Variants in ADARB2 observed in about 807,000 individuals in gnomAD.
The protein encoded by ADARB2 is inactive double-stranded RNA-specific editase B2.
Under a neutral mutation model 62.2 loss-of-function variants are expected in ADARB2, and 25 were observed. That is an observed-to-expected ratio of 0.40 (90% confidence interval 0.29 to 0.56). The LOEUF is 0.56. Ranked by LOEUF, ADARB2 falls within the 20% of genes least tolerant of loss-of-function variation. The probability of loss-of-function intolerance (pLI) is 0.43; values close to 1 mark genes in which losing one functional copy is unlikely to be tolerated. For synonymous variants in ADARB2, 572 were observed against 500.8 expected, an observed-to-expected ratio of 1.14 and a Z score of -1.90; for missense variants, 1,071 against 1,077.4, an observed-to-expected ratio of 0.99 and a Z score of 0.08.
In ADARB2 at chr10:1,552,631, C is replaced by T. The variant is rs187997084; in HGVS notation, c.101-173471G>A. Among the ~76,000 whole-genome samples the T allele has an allele frequency of 1.7e-3, 256 of 151,514 alleles. 2 individuals carry two copies. The highest frequency in any genetic ancestry group is 5.9e-3 in the African/African-American group (245 of 41,184). The stretch of plus-strand genomic sequence containing the variant: ...TGAAGAGCCTTTTTCTGGCCTGGTC[C>T]TGCCCGGCACTCAGCGAGGGGCTGC... On this transcript the variant is annotated intron_variant, in intron 1 of 9. Transcript: ENST00000381312.
chr10:1,480,364 A>C (rs1831451188), intron 1 of ADARB2, among the ~76,000 whole-genome samples: 1 of 152,236 alleles, frequency 6.6e-6, no homozygotes, highest in African/African-American at 2.4e-5. Context: ...AATTAGTTGC[A>C]TTTCTATGTA....
At chr10:1,593,564 C>T (rs1456743211) in intron 1 of ADARB2, among the ~76,000 whole-genome samples, 1 of 152,178 alleles carries the variant, frequency 6.6e-6, no homozygotes, top group Non-Finnish European at 1.5e-5. Flanking sequence ...CAAGTATGGT[C>T]CACTGTACAC....
rs145843905 is a variant in ADARB2, at chr10:1,711,354, G to A, written c.100+25697C>T. Among the ~76,000 whole-genome samples, 253 of 152,334 alleles carry A rather than the reference G, an allele frequency of 1.7e-3. 1 individual carries two copies. Among genetic ancestry groups the A allele is most frequent in the African/African-American group, 5.8e-3 (242 of 41,566 alleles). On this transcript the variant is annotated intron_variant, in intron 1 of 9. Coordinates refer to ENST00000381312, the MANE Select transcript of ADARB2 (RefSeq NM_018702.4). Reference sequence around the variant, plus strand: ...GAACCCGCTGGACACCCGGTGCCATGCTGAGGTCACAGCTCTGAAGGACGC... The same window carrying A: ...GAACCCGCTGGACACCCGGTGCCATACTGAGGTCACAGCTCTGAAGGACGC...
intron 3 of ADARB2, among the ~76,000 whole-genome samples, chr10:1,274,891 G>T (rs1289776660): frequency 1.3e-5 from 2 of 152,222 alleles, no homozygotes; most frequent in African/African-American, 2.4e-5. Context: ...AAGGATGGCT[G>T]CAGGCTTCAC....
intron 3 of ADARB2, among the ~76,000 whole-genome samples, chr10:1,324,902 T>C (rs1831829344): frequency 6.6e-6 from 1 of 152,164 alleles, no homozygotes; most frequent in African/African-American, 2.4e-5. Context: ...AGCCAGGGGA[T>C]TGTCAATGCC....
chr10:1,418,314 C>T (rs1203407250), intron 1 of ADARB2, among the ~76,000 whole-genome samples: 1 of 152,194 alleles, frequency 6.6e-6, no homozygotes, highest in Non-Finnish European at 1.5e-5. Flanking sequence ...GGTCAGGCCT[C>T]GAGCTTTAAG....
intron 1 of ADARB2, among the ~76,000 whole-genome samples, chr10:1,633,556 C>CTATT (rs763068266): frequency 1.9e-5 from 2 of 107,896 alleles, no homozygotes; most frequent in South Asian, 6.9e-4. Context: ...TATCATCTAT[C>CTATT]TATCTATCTA....
intron 1 of ADARB2, among the ~76,000 whole-genome samples, chr10:1,441,722 C>T (rs778388448): frequency 1.5e-4 from 23 of 152,224 alleles, no homozygotes; most frequent in Admixed American, 6.5e-4. Flanking sequence ...GAAATGTTGA[C>T]GCTTCCCATG....
intron 3 of ADARB2, among the ~76,000 whole-genome samples, chr10:1,352,128 C>A (rs183698041): frequency 0.035 from 5,241 of 151,864 alleles, 118 homozygotes; most frequent in South Asian, 0.089. Context: ...TTACTTCAGT[C>A]AAGCCCAAAT....
intron 1 of ADARB2, among the ~76,000 whole-genome samples, chr10:1,685,470 G>A (rs932462991): frequency 2.0e-5 from 3 of 152,124 alleles, no homozygotes; most frequent in African/African-American, 7.2e-5. Context: ...GGCAGGTACC[G>A]AATCCATCAC....
intron 4 of ADARB2, among the ~76,000 whole-genome samples, chr10:1,264,066 G>C (rs537569133): frequency 5.3e-5 from 8 of 152,028 alleles, no homozygotes; most frequent in Admixed American, 5.2e-4. Flanking sequence ...TCAGCCGTCG[G>C]CCTCCGTGAA....
intron 1 of ADARB2, among the ~76,000 whole-genome samples, chr10:1,564,237 A>C (rs1351832083): frequency 6.6e-6 from 1 of 152,252 alleles, no homozygotes; most frequent in South Asian, 2.1e-4. Context: ...ACTAGCTTAC[A>C]GTCCCACCAA....
chr10:1,481,222 TC>T (rs1411376384), intron 1 of ADARB2, among the ~76,000 whole-genome samples: 6 of 152,246 alleles, frequency 3.9e-5, no homozygotes. Flanking sequence ...GAAAGGATAG[TC>T]TTTTCAACAA....
At chr10:1,189,084 C>T (rs766619277) in intron 8 of ADARB2, among the ~76,000 whole-genome samples, 34 of 150,938 alleles carry the variant, frequency 2.3e-4, no homozygotes, top group Non-Finnish European at 4.0e-4. Context: ...CTGAGTCACC[C>T]TCAAGGAGGT....
chr10:1,259,250 A>C (rs1009432854), intron 4 of ADARB2, among the ~76,000 whole-genome samples: 1 of 152,212 alleles, frequency 6.6e-6, no homozygotes, highest in Non-Finnish European at 1.5e-5. Flanking sequence ...CTAGACAAGC[A>C]AGAGCAAACA....
chr10:1,235,001 C>A lies in ADARB2; in HGVS notation c.1362-1156G>T, dbSNP rs181888284. ...ACTTCAGGTGATCCACCCGCCTTGGCCCCCCAAAGAGCTGGGATTACAGGC... is the reference window on the plus strand; with the variant it reads ...ACTTCAGGTGATCCACCCGCCTTGGACCCCCAAAGAGCTGGGATTACAGGC... On this transcript the variant is annotated intron_variant, in intron 5 of 9. Transcript: ENST00000381312. Among the ~76,000 whole-genome samples the A allele has an allele frequency of 7.2e-5, 11 of 152,186 alleles. No individual in the cohort carries two copies. The East Asian group carries it at 1.9e-3, about 27-fold the overall frequency.
At chr10:1,489,127 T>A (rs1038390925) in intron 1 of ADARB2, among the ~76,000 whole-genome samples, 4 of 152,258 alleles carry the variant, frequency 2.6e-5, no homozygotes, top group African/African-American at 9.6e-5. Flanking sequence ...GTCTCTCAAT[T>A]TGCTCATTTC....
intron 1 of ADARB2, among the ~76,000 whole-genome samples, chr10:1,606,358 G>A (rs1211789491): frequency 1.1e-5 from 1 of 91,004 alleles, no homozygotes; most frequent in Non-Finnish European, 2.5e-5. Flanking sequence ...AAGCTCCCAG[G>A]TAACCCTGGA....
intron 1 of ADARB2, among the ~76,000 whole-genome samples, chr10:1,688,279 C>T (rs1030161861): frequency 3.3e-5 from 5 of 152,210 alleles, no homozygotes; most frequent in African/African-American, 1.2e-4. Flanking sequence ...CACCCTTGGC[C>T]AGGGCTGGGA....
Sources: gnomAD v4.1 joint callset for allele counts (sites outside exome capture counted in the v4.1 genomes callset) on GRCh38, gnomAD v4.1.1 for gene constraint, MANE v1.5 for transcripts, NCBI Gene and HGNC (gene_info 2026-07-23, HGNC 2026-07-21) for gene names.